The following ARHGAP24 variants were observed in gnomAD, a reference collection of about 807,000 sequenced individuals.
ARHGAP24 encodes the protein rho GTPase-activating protein 24.
In ARHGAP24, 50 loss-of-function variants were observed where a neutral mutation model predicts 76.4. That is an observed-to-expected ratio of 0.65 (90% CI 0.52 to 0.83). The LOEUF (loss-of-function observed/expected upper bound fraction) is 0.83. ARHGAP24 is among the 40% of genes least tolerant of loss of function. The pLI is 0.00. For missense variants in ARHGAP24, 930 were observed against 914.2 expected (o/e 1.02, Z -0.22); for synonymous variants, 345 against 323.3 (o/e 1.07, Z -0.72).
At chr4:85,803,594 A>G (rs1728666972) in intron 3 of ARHGAP24, among the ~76,000 whole-genome samples, 1 of 152,196 alleles carries the variant, frequency 6.6e-6, no homozygotes, top group Admixed American at 6.5e-5. Flanking sequence ...ATTTGCCTCA[A>G]AATCTTTTAA....
chr4:85,923,780 C>G lies in ARHGAP24; in HGVS notation c.391+10C>G. 6.2e-7 allele frequency: 1 copy of G among 1,613,874 alleles called. No homozygotes were observed. The highest frequency in any genetic ancestry group is 1.3e-5 in the African/African-American group (1 of 75,026). On this transcript the variant is annotated intron_variant, in intron 4 of 9. Transcript: ENST00000395184. ...GGACCTTTCGGAGGAGGTGAGTGTA[C>G]TTTAAAATCATGGAAAAACAGAAAG...
intron 3 of ARHGAP24, among the ~76,000 whole-genome samples, chr4:85,887,292 T>TA (rs966002805): frequency 3.3e-5 from 5 of 152,160 alleles, no homozygotes; most frequent in Non-Finnish European, 7.4e-5. Context: ...ATTAGAGTAT[T>TA]AAAATATATA....
At chr4:85,857,108 C>G (rs1425044143) in intron 3 of ARHGAP24, among the ~76,000 whole-genome samples, 1 of 152,092 alleles carries the variant, frequency 6.6e-6, no homozygotes, top group Non-Finnish European at 1.5e-5. Flanking sequence ...AATCAATATT[C>G]AACAAGAATT....
At chr4:85,730,688 C>T (rs900118712) in intron 3 of ARHGAP24, among the ~76,000 whole-genome samples, 2 of 152,260 alleles carry the variant, frequency 1.3e-5, no homozygotes, top group South Asian at 2.1e-4. Flanking sequence ...GGATTATAGG[C>T]GTGAGCCACC....
intron 8 of ARHGAP24, 126 bp downstream of exon 8, chr4:85,977,817 C>A (rs946277032): frequency 8.6e-7 from 1 of 1,166,904 alleles, no homozygotes; most frequent in Non-Finnish European, 1.2e-6. Context: ...CGTTTATTAA[C>A]TGAAGTTCTT....
chr4:85,736,616 A>T (rs1348929111), intron 3 of ARHGAP24, among the ~76,000 whole-genome samples: 1 of 152,224 alleles, frequency 6.6e-6, no homozygotes, highest in Non-Finnish European at 1.5e-5. Flanking sequence ...CATCAAGTAG[A>T]GGTGGAATTC....
intron 3 of ARHGAP24, among the ~76,000 whole-genome samples, chr4:85,865,048 G>A (rs528305564): frequency 6.6e-6 from 1 of 152,174 alleles, no homozygotes; most frequent in East Asian, 1.9e-4. Flanking sequence ...TCATCCAACA[G>A]TCGTTAGGAG....
intron 2 of ARHGAP24, among the ~76,000 whole-genome samples, chr4:85,610,661 C>G (rs1454561805): frequency 6.6e-6 from 1 of 151,354 alleles, no homozygotes; most frequent in South Asian, 2.1e-4. Context: ...TGATTTCTGA[C>G]TTGTGGTGGT....
At chr4:85,779,623 C>T (rs1464958315) in intron 3 of ARHGAP24, among the ~76,000 whole-genome samples, 1 of 151,804 alleles carries the variant, frequency 6.6e-6, no homozygotes, top group Non-Finnish European at 1.5e-5. Context: ...TTTAATGAAG[C>T]TTATCTTAGT....
chr4:85,816,656 T>A (rs1242324383), intron 3 of ARHGAP24, among the ~76,000 whole-genome samples: 2 of 152,202 alleles, frequency 1.3e-5, no homozygotes, highest in African/African-American at 4.8e-5. Context: ...ATAACACATT[T>A]TTTATATCCA....
At chr4:85,534,975 A>C (rs886921345) in intron 1 of ARHGAP24, among the ~76,000 whole-genome samples, 66 of 151,940 alleles carry the variant, frequency 4.3e-4, no homozygotes, top group Admixed American at 3.2e-3. Flanking sequence ...ACAAAAACAA[A>C]ACTTTCCTAA....
intron 8 of ARHGAP24, among the ~76,000 whole-genome samples, chr4:85,980,014 G>A (rs1156847492): frequency 6.6e-6 from 1 of 152,106 alleles, no homozygotes; most frequent in African/African-American, 2.4e-5. Flanking sequence ...CTAGTTTGGG[G>A]TAGCTATTTT....
chr4:85,840,073 G>C (rs1255541725), intron 3 of ARHGAP24, among the ~76,000 whole-genome samples: 1 of 145,322 alleles, frequency 6.9e-6, no homozygotes, highest in Non-Finnish European at 1.5e-5. Context: ...CACCCTGTTG[G>C]TCAGGCTGGC....
chr4:85,979,377 A>G (rs1578460668), intron 8 of ARHGAP24, among the ~76,000 whole-genome samples: 1 of 152,322 alleles, frequency 6.6e-6, no homozygotes, highest in East Asian at 1.9e-4. Context: ...TTCACAGTTC[A>G]GTAGCATTCA....
At chr4:85,493,341 T>A (rs1723432218) in intron 1 of ARHGAP24, among the ~76,000 whole-genome samples, 1 of 152,248 alleles carries the variant, frequency 6.6e-6, no homozygotes, top group South Asian at 2.1e-4. Context: ...GAAACAGTTG[T>A]CACTATGGTG....
chr4:85,726,576 A>G (rs1725175706), intron 3 of ARHGAP24, among the ~76,000 whole-genome samples: 1 of 152,250 alleles, frequency 6.6e-6, no homozygotes, highest in East Asian at 1.9e-4. Flanking sequence ...AGGAAGACAG[A>G]TAAACTTGGG....
intron 3 of ARHGAP24, among the ~76,000 whole-genome samples, chr4:85,741,916 CCAAA>C (rs1725841239): frequency 6.6e-6 from 1 of 151,786 alleles, no homozygotes; most frequent in East Asian, 1.9e-4. Context: ...AGTTCAAAGA[CCAAA>C]ACCAAATAAA....
At chr4:85,729,086 T>C (rs962519926) in intron 3 of ARHGAP24, among the ~76,000 whole-genome samples, 1 of 152,198 alleles carries the variant, frequency 6.6e-6, no homozygotes, top group African/African-American at 2.4e-5. Flanking sequence ...TTAAAATCCA[T>C]GCAATTATAT....
intron 8 of ARHGAP24, among the ~76,000 whole-genome samples, chr4:85,992,805 A>G (rs890398600): frequency 2.2e-5 from 3 of 135,484 alleles, no homozygotes; most frequent in Non-Finnish European, 3.1e-5. Flanking sequence ...ATCAATTATT[A>G]CATTGTCTTT....
Sources: allele counts gnomAD v4.1 joint callset (sites outside exome capture counted in the v4.1 genomes callset), GRCh38; gene constraint gnomAD v4.1.1; transcripts MANE v1.5; gene names NCBI Gene and HGNC (gene_info 2026-07-23, HGNC 2026-07-21).